The following SPOCK3 variants were observed in gnomAD, a reference collection of about 807,000 sequenced individuals.
The protein encoded by SPOCK3 is SPARC (osteonectin), cwcv and kazal like domains proteoglycan 3.
In SPOCK3, 30 loss-of-function variants were observed where a neutral mutation model predicts 56.6. That is an observed-to-expected ratio of 0.53 (90% CI 0.40 to 0.72). The LOEUF is 0.72. Ranked by LOEUF, SPOCK3 falls within the 30% of genes least tolerant of loss-of-function variation. The probability of loss-of-function intolerance (pLI) is 0.00; values close to 1 mark genes in which losing one functional copy is unlikely to be tolerated. For synonymous variants in SPOCK3, 196 were observed against 183.3 expected (o/e 1.07, Z -0.56); for missense variants, 527 against 530.0 (o/e 0.99, Z 0.06).
At chr4:166,963,042 T>A (rs992092994) in intron 4 of SPOCK3, among the ~76,000 whole-genome samples, 16 of 152,070 alleles carry the variant, frequency 1.1e-4, no homozygotes, top group Admixed American at 9.8e-4. Context: ...GTAGGACAAT[T>A]TGCCTTCTCT....
At chr4:166,862,538 AT>A in intron 6 of SPOCK3, among the ~76,000 whole-genome samples, 1 of 152,162 alleles carries the variant, frequency 6.6e-6, no homozygotes, top group East Asian at 1.9e-4. Context: ...AACTTTAAAC[AT>A]TTTAAGTGTT....
Position 166,885,381 on chromosome 4 carries a change from A to G in SPOCK3, c.589+3749T>C, listed in dbSNP as rs1560971748. Reference sequence around the variant, plus strand: ...TGTTAACTCTTTTCAAGTAAAACTTAGAAAAACAGTTTTGGAAATGTTAAC... The same window carrying G: ...TGTTAACTCTTTTCAAGTAAAACTTGGAAAAACAGTTTTGGAAATGTTAAC... On this transcript the variant is annotated intron_variant, in intron 6 of 10. Coordinates refer to ENST00000357545, the MANE Select transcript of SPOCK3 (RefSeq NM_001040159.2). 2.0e-5 allele frequency among the ~76,000 whole-genome samples: 3 copies of G among 152,042 alleles called. No individual in the cohort carries two copies. The South Asian group carries it at 6.2e-4, about 32-fold the overall frequency.
chr4:166,932,567 T>C (rs891744565), intron 4 of SPOCK3, among the ~76,000 whole-genome samples: 5 of 152,172 alleles, frequency 3.3e-5, no homozygotes, highest in African/African-American at 7.2e-5. Context: ...TTGTATTATG[T>C]TTTATAATAA....
intron 2 of SPOCK3, among the ~76,000 whole-genome samples, chr4:167,160,796 T>G (rs536842567): frequency 6.6e-6 from 1 of 152,178 alleles, no homozygotes; most frequent in Admixed American, 6.5e-5. Context: ...GGGAAAGGAC[T>G]CCCTATTTAA....
chr4:166,746,893 A>G (rs1441989756), intron 8 of SPOCK3, among the ~76,000 whole-genome samples: 4 of 152,220 alleles, frequency 2.6e-5, no homozygotes, highest in East Asian at 3.8e-4. Flanking sequence ...GAAGAAATGC[A>G]TAAATTCCTG....
chr4:166,740,013 A>G lies in SPOCK3; in HGVS notation c.994+1984T>C, dbSNP rs141028223. ...CACTGTTGTCACATCTACAGCTTTT[A>G]CAACTACCATTTGAATTTGACATAA... is the stretch of plus-strand genomic sequence containing the variant. On this transcript the variant is annotated intron_variant, in intron 9 of 10. Transcript: ENST00000357545. Among the ~76,000 whole-genome samples, 154 of 152,296 alleles carry G rather than the reference A, an allele frequency of 1.0e-3. 3 individuals are homozygous for G. The East Asian group carries it at 0.027, about 27-fold the overall frequency.
intron 3 of SPOCK3, among the ~76,000 whole-genome samples, chr4:167,020,784 T>A (rs894739068): frequency 3.3e-5 from 5 of 152,110 alleles, no homozygotes; most frequent in African/African-American, 1.2e-4. Flanking sequence ...AATAACCATA[T>A]CCTTACTTCC....
intron 3 of SPOCK3, among the ~76,000 whole-genome samples, chr4:167,056,843 C>G (rs751536121): frequency 6.6e-6 from 1 of 152,136 alleles, no homozygotes; most frequent in Non-Finnish European, 1.5e-5. Context: ...GAGAATAGAA[C>G]CAAGTTGGAA....
At chr4:167,125,188 ATTTTTTAT>A (rs532716950) in intron 2 of SPOCK3, among the ~76,000 whole-genome samples, 1,435 of 132,474 alleles carry the variant, frequency 0.011, 14 homozygotes, top group East Asian at 0.014. Flanking sequence ...GAGCACAGAG[ATTTTTTAT>A]TTATTTATTT....
chr4:166,985,501 A>G (rs931210076), intron 4 of SPOCK3, among the ~76,000 whole-genome samples: 2 of 152,164 alleles, frequency 1.3e-5, no homozygotes, highest in African/African-American at 4.8e-5. Flanking sequence ...TGTACTCATT[A>G]TCTGTTTTTA....
At chr4:166,849,945 T>C (rs1361641320) in intron 6 of SPOCK3, among the ~76,000 whole-genome samples, 9 of 152,194 alleles carry the variant, frequency 5.9e-5, no homozygotes, top group Non-Finnish European at 1.2e-4. Flanking sequence ...TAATATTTCA[T>C]TTATGTATAT....
chr4:166,952,202 A>G (rs1742736716), intron 4 of SPOCK3, among the ~76,000 whole-genome samples: 1 of 152,168 alleles, frequency 6.6e-6, no homozygotes, highest in Non-Finnish European at 1.5e-5. Context: ...TCAGCCCAAA[A>G]TCTCCTTAAG....
intron 6 of SPOCK3, among the ~76,000 whole-genome samples, chr4:166,800,536 CTA>C (rs1742469605): frequency 6.6e-6 from 1 of 151,866 alleles, no homozygotes; most frequent in East Asian, 1.9e-4. Context: ...GATCCTGACC[CTA>C]TGTAGGCCTA....
chr4:167,223,087 T>C (rs1177648073), intron 2 of SPOCK3, among the ~76,000 whole-genome samples: 1 of 104,792 alleles, frequency 9.5e-6, no homozygotes, highest in Non-Finnish European at 1.7e-5. Context: ...TATATATGAA[T>C]ATATATTTTA....
chr4:166,821,968 GA>G (rs1465423580), intron 6 of SPOCK3, among the ~76,000 whole-genome samples: 7 of 151,904 alleles, frequency 4.6e-5, no homozygotes, highest in South Asian at 2.1e-4. Context: ...TCAAATATGT[GA>G]AAAAAATATA....
At chr4:166,809,663 A>G (rs1425859974) in intron 6 of SPOCK3, among the ~76,000 whole-genome samples, 1 of 152,200 alleles carries the variant, frequency 6.6e-6, no homozygotes, top group African/African-American at 2.4e-5. Context: ...AAAGCTAATG[A>G]CATTTACTTT....
At position 166,856,841 on chromosome 4, in the gene SPOCK3, T is replaced by C. The variant is rs1158136471; in HGVS notation, c.589+32289A>G. Among the ~76,000 whole-genome samples the C allele has an allele frequency of 2.6e-5, 4 of 152,110 alleles. No homozygotes were observed. The East Asian group carries it at 5.8e-4, about 22-fold the overall frequency. On this transcript the variant is annotated intron_variant, in intron 6 of 10. Transcript: ENST00000357545. Reference sequence around the variant, plus strand: ...CTAGATATCTAGATATCTCTCTATATATAGATAGATATGCAATCGACTGGA... The same window carrying C: ...CTAGATATCTAGATATCTCTCTATACATAGATAGATATGCAATCGACTGGA...
At chr4:167,035,139 G>GGGTAAACACAAACAAGGGTA (rs2150188297) in intron 3 of SPOCK3, among the ~76,000 whole-genome samples, 1 of 152,076 alleles carries the variant, frequency 6.6e-6, no homozygotes, top group Non-Finnish European at 1.5e-5. Flanking sequence ...ACTCCAAATA[G>GGGTAAACACAAACAAGGGTA]AAGAAAAACA....
At chr4:166,923,237 T>G (rs1738701145) in intron 4 of SPOCK3, among the ~76,000 whole-genome samples, 1 of 152,216 alleles carries the variant, frequency 6.6e-6, no homozygotes, top group South Asian at 2.1e-4. Context: ...GTCTCTCTCT[T>G]ATAAGGATAC....
Sources: allele counts gnomAD v4.1 joint callset (sites outside exome capture counted in the v4.1 genomes callset), GRCh38; gene constraint gnomAD v4.1.1; transcripts MANE v1.5; gene names NCBI Gene and HGNC (gene_info 2026-07-23, HGNC 2026-07-21).